Variants in DCP2 observed in about 807,000 individuals in gnomAD.
DCP2 encodes decapping mRNA 2, also known as m7GpppN-mRNA hydrolase.
A neutral mutation model predicts 56.1 loss-of-function variants in DCP2; 30 were observed. The observed-to-expected ratio is 0.53, with a 90% CI of 0.40 to 0.73. The LOEUF (loss-of-function observed/expected upper bound fraction) is 0.73. Among genes scored for constraint, DCP2 ranks in the 30% least tolerant of loss-of-function variants. The pLI, the probability that DCP2 is intolerant of heterozygous loss-of-function variation, is 0.00. For missense variants in DCP2, 533 were observed against 502.7 expected, an observed-to-expected ratio of 1.06 and a Z score of -0.58; for synonymous variants, 197 against 163.3, an observed-to-expected ratio of 1.21 and a Z score of -1.57.
intron 4 of DCP2, among the ~76,000 whole-genome samples, chr5:112,993,718 C>G (rs1748706380): frequency 6.6e-6 from 1 of 151,678 alleles, no homozygotes; most frequent in Non-Finnish European, 1.5e-5. Flanking sequence ...CTGTTCAGCT[C>G]CTATCTAGAT....
At chr5:112,994,780 C>G (rs115459846) in intron 4 of DCP2, among the ~76,000 whole-genome samples, 23 of 152,242 alleles carry the variant, frequency 1.5e-4, no homozygotes, top group Non-Finnish European at 3.4e-4. Flanking sequence ...ACCCTAGAGA[C>G]TTTAGTCACT....
At chr5:112,984,703 A>AAAATATATATATATAT in intron 1 of DCP2, 21 of 64,848 alleles carry the variant, frequency 3.2e-4, no homozygotes, top group African/African-American at 1.7e-3. Context: ...AAAAAAAAAA[A>AAAATATATATATATAT]ATATATATAT....
chr5:112,980,574 C>T (rs1747956494), intron 1 of DCP2, among the ~76,000 whole-genome samples: 1 of 112,026 alleles, frequency 8.9e-6, no homozygotes, highest in African/African-American at 4.2e-5. Flanking sequence ...CATATGTACA[C>T]GTACTTTTGA....
intron 1 of DCP2, among the ~76,000 whole-genome samples, chr5:112,981,183 A>G (rs1561682889): frequency 6.6e-6 from 1 of 151,094 alleles, no homozygotes; most frequent in Non-Finnish European, 1.5e-5. Context: ...TATTAAATAC[A>G]TTTTTTTTTG....
rs529883198 is a variant in DCP2, at chr5:113,016,051, A to G, written c.*2567A>G. Reference sequence around the variant, plus strand: ...TTTAAATGTTACGTTCCAACCTTATATGTTCCAAGGTGCAGTGCACTGTGA... The same window carrying G: ...TTTAAATGTTACGTTCCAACCTTATGTGTTCCAAGGTGCAGTGCACTGTGA... On this transcript the variant is annotated 3_prime_UTR_variant, in exon 11 of 11. Coordinates refer to ENST00000389063, the MANE Select transcript of DCP2 (RefSeq NM_152624.6). 6.6e-6 allele frequency: 1 copy of G among 152,670 alleles called. No homozygotes were observed. The highest frequency in any genetic ancestry group is 1.5e-5 in the Non-Finnish European group (1 of 68,034). 9.5% of individuals were successfully genotyped at this position (152,670 alleles called of 1,614,324 possible).
At chr5:112,995,440 T>C (rs1340547083) in intron 4 of DCP2, among the ~76,000 whole-genome samples, 2 of 152,210 alleles carry the variant, frequency 1.3e-5, no homozygotes, top group Non-Finnish European at 2.9e-5. Flanking sequence ...TGATTGTAGC[T>C]CTGTACATGG....
chr5:113,007,811 G>GA (rs1749508920), intron 8 of DCP2, 127 bp from the exon 9 acceptor site: 5 of 712,402 alleles, frequency 7.0e-6, no homozygotes, highest in African/African-American at 1.8e-5. Flanking sequence ...GGTGATTAAT[G>GA]AAAATTTGGG....
In DCP2 at chr5:113,018,355, A is replaced by G. The variant is rs1486880039; in HGVS notation, c.*4871A>G. On this transcript the variant is annotated 3_prime_UTR_variant, in exon 11 of 11. Coordinates refer to ENST00000389063, the MANE Select transcript of DCP2 (RefSeq NM_152624.6). ...GGTTATCAGAGTAATGAAATCACCA[A>G]TAAAAACATTCCATTTATCTTGGAT... 2.6e-5 allele frequency: 4 copies of G among 152,214 alleles called. No homozygotes were observed. The highest frequency in any genetic ancestry group is 5.9e-5 in the Non-Finnish European group (4 of 68,038). 9.4% of individuals were successfully genotyped at this position (152,214 alleles called of 1,614,324 possible). A position where few individuals can be genotyped will look rare whatever the true frequency, so the allele number is the denominator to read the frequency against.
chr5:112,999,678 G>A (rs1288965353), intron 4 of DCP2, among the ~76,000 whole-genome samples: 1 of 150,270 alleles, frequency 6.7e-6, no homozygotes, highest in African/African-American at 2.5e-5. Context: ...CTAGACTGGA[G>A]TGCACTGGGA....
chr5:112,990,933 C>A (rs1748558282), intron 2 of DCP2, among the ~76,000 whole-genome samples: 1 of 151,966 alleles, frequency 6.6e-6, no homozygotes, highest in South Asian at 2.1e-4. Flanking sequence ...GAATATAATG[C>A]CGACTTCTTT....
chr5:112,977,778 G>A lies in DCP2; in HGVS notation c.53+792G>A, dbSNP rs114195275. Among the ~76,000 whole-genome samples the A allele has an allele frequency of 3.9e-3, 601 of 152,298 alleles. 6 individuals are homozygous for A. The highest frequency in any genetic ancestry group is 0.014 in the African/African-American group (565 of 41,562). ...TTATTTTCCGAAGGTAAAATTTGGAGTGCAGTGATACCCGGAGTTGTCGCC... is the reference window on the plus strand; with the variant it reads ...TTATTTTCCGAAGGTAAAATTTGGAATGCAGTGATACCCGGAGTTGTCGCC... On this transcript the variant is annotated intron_variant, in intron 1 of 10. Coordinates refer to ENST00000389063, the MANE Select transcript of DCP2 (RefSeq NM_152624.6).
At position 113,014,563 on chromosome 5, in the gene DCP2, AACAT is replaced by A. The variant is rs1243624884; in HGVS notation, c.*1085_*1088del. 1 of 152,680 alleles carries A rather than the reference AACAT, an allele frequency of 6.5e-6. No individual in the cohort carries two copies. Among genetic ancestry groups the A allele is most frequent in the Non-Finnish European group, 1.5e-5 (1 of 68,054 alleles). 9.5% of individuals were successfully genotyped at this position (152,680 alleles called of 1,614,324 possible). Reference sequence around the variant, plus strand: ...TTATGTATATGTGTTACATAACAGTAACATACATAACTCACTCCTAGGAATGTAT... The same window carrying A: ...TTATGTATATGTGTTACATAACAGTAACATAACTCACTCCTAGGAATGTAT... On this transcript the variant is annotated 3_prime_UTR_variant, in exon 11 of 11. Transcript: ENST00000389063.
At chr5:112,980,252 T>C (rs1162946321) in intron 1 of DCP2, among the ~76,000 whole-genome samples, 1 of 152,232 alleles carries the variant, frequency 6.6e-6, no homozygotes, top group Non-Finnish European at 1.5e-5. Context: ...AGAATTTTTT[T>C]AAAGCCCTTT....
intron 1 of DCP2, among the ~76,000 whole-genome samples, chr5:112,978,493 C>T (rs540862572): frequency 6.6e-6 from 1 of 152,014 alleles, no homozygotes; most frequent in Admixed American, 6.6e-5. Context: ...TGCTTTTTCT[C>T]TCATACCAAG....
chr5:112,994,246 A>G (rs559128749), intron 4 of DCP2, among the ~76,000 whole-genome samples: 1 of 137,794 alleles, frequency 7.3e-6, no homozygotes, highest in South Asian at 2.2e-4. Flanking sequence ...ATGATAGTGC[A>G]CTGCAGCCTC....
chr5:113,019,615 A>T lies in DCP2; in HGVS notation c.*6131A>T, dbSNP rs1389817507. On this transcript the variant is annotated 3_prime_UTR_variant, in exon 11 of 11. Transcript: ENST00000389063. ...CTGACTTCCATTTTACAAATATTAG[A>T]AACTTTTTCTTCAGTAACAAAAACA... 3.9e-5 allele frequency: 6 copies of T among 152,210 alleles called. No individual in the cohort carries two copies. The highest frequency in any genetic ancestry group is 1.5e-5 in the Non-Finnish European group (1 of 68,014). 9.4% of individuals were successfully genotyped at this position (152,210 alleles called of 1,614,324 possible). A position where few individuals can be genotyped will look rare whatever the true frequency, so the allele number is the denominator to read the frequency against.
At chr5:112,983,132 A>G (rs912160864) in intron 1 of DCP2, among the ~76,000 whole-genome samples, 6 of 152,220 alleles carry the variant, frequency 3.9e-5, no homozygotes, top group African/African-American at 1.2e-4. Context: ...CCAATTACAG[A>G]TTGAAGTTCC....
At chr5:112,977,015 C>T (rs549728199) in intron 1 of DCP2, 29 bp downstream of exon 1, 15 of 1,477,516 alleles carry the variant, frequency 1.0e-5, no homozygotes, top group Non-Finnish European at 1.3e-5. Context: ...CCCTTTCGCC[C>T]CCGTCGGGTT....
rs1749869965 is a variant in DCP2 at position 113,016,000 on chromosome 5, A to T, written c.*2516A>T. ...CTTCATTATGTTTTATGTCTTTGAG[A>T]GAGATACAGGTCTTGGAATTCACTT... On this transcript the variant is annotated 3_prime_UTR_variant, in exon 11 of 11. Coordinates refer to ENST00000389063, the MANE Select transcript of DCP2 (RefSeq NM_152624.6). 1 of 152,648 alleles carries T rather than the reference A, an allele frequency of 6.6e-6. No individual in the cohort carries two copies. The highest frequency in any genetic ancestry group is 1.9e-4 in the East Asian group (1 of 5,202). The allele number at this position is 152,648 out of a possible 1,614,324, so 9.5% of individuals were successfully genotyped here.
Sources: gnomAD v4.1 joint callset for allele counts (sites outside exome capture counted in the v4.1 genomes callset) on GRCh38, gnomAD v4.1.1 for gene constraint, MANE v1.5 for transcripts, NCBI Gene and HGNC (gene_info 2026-07-23, HGNC 2026-07-21) for gene names.